PDSS1: variants seen among roughly 807,000 people sequenced by gnomAD.
The protein encoded by PDSS1 is decaprenyl diphosphate synthase subunit 1.
PDSS1 carries 43 observed loss-of-function variants against 57.5 expected under a neutral mutation model. The ratio of observed to expected loss-of-function variants is 0.75; its 90% confidence interval spans 0.59 to 0.96. The LOEUF (loss-of-function observed/expected upper bound fraction) is 0.96. PDSS1 is among the 50% of genes least tolerant of loss of function. The probability of loss-of-function intolerance (pLI) is 0.00; values close to 1 mark genes in which losing one functional copy is unlikely to be tolerated. For synonymous variants in PDSS1, 175 were observed against 191.3 expected (o/e 0.91, Z 0.70); for missense variants, 438 against 527.8 (o/e 0.83, Z 1.67).
rs910545459 is a variant in PDSS1, at chr10:26,719,599, C to G, written c.468-619C>G. ...CCTAGCCAACATGGTGAAACCCCATCTCTACTAAAAATATAAAATTTAGCT... is the reference window on the plus strand; with the variant it reads ...CCTAGCCAACATGGTGAAACCCCATGTCTACTAAAAATATAAAATTTAGCT... On this transcript the variant is annotated intron_variant, in intron 5 of 11. Transcript: ENST00000376215. Among the ~76,000 whole-genome samples the G allele has an allele frequency of 2.3e-4, 35 of 152,272 alleles. 1 individual carries two copies. The highest frequency in any genetic ancestry group is 2.0e-3 in the Admixed American group (30 of 15,280).
intron 5 of PDSS1, among the ~76,000 whole-genome samples, chr10:26,719,899 C>T (rs1437914536): frequency 6.6e-6 from 1 of 152,202 alleles, no homozygotes; most frequent in Non-Finnish European, 1.5e-5. Context: ...AACTTAAACA[C>T]CTGACCAAGA....
rs548310465 is a variant in PDSS1, at chr10:26,702,602, C to T, written c.162+408C>T. ...TTGAGGCCTCCCTAGCCGTTTGGAA[C>T]TGTGAGTCAGTTACACCTCTTTCTT... On this transcript the variant is annotated intron_variant, in intron 2 of 11. Transcript: ENST00000376215. Among the ~76,000 whole-genome samples, 6 of 152,340 alleles carry T rather than the reference C, an allele frequency of 3.9e-5. No homozygotes were observed. The South Asian group carries it at 1.2e-3, about 32-fold the overall frequency.
chr10:26,705,331 A>C lies in PDSS1; in HGVS notation c.273A>C (p.Lys91Asn). 1 of 1,613,298 alleles carries C rather than the reference A, an allele frequency of 6.2e-7. No homozygotes were observed. The highest frequency in any genetic ancestry group is 1.1e-5 in the South Asian group (1 of 91,060). ...TPDSKTHSGE[K>N]YTDPFKLGWR... is the part of the protein sequence containing the mutation. ...ACAGTAAAACACACAGTGGTGAAAAATACACCGATCCTTTCAAACTCGGTT... is the reference window on the plus strand; with the variant it reads ...ACAGTAAAACACACAGTGGTGAAAACTACACCGATCCTTTCAAACTCGGTT... Residue 91 changes from lysine to asparagine, a missense_variant, in exon 4 of 12, where the codon AAA (lysine) becomes AAC (asparagine). Physicochemically the swap from Lys to Asn is moderately conservative, Grantham distance 94 (BLOSUM62 0). Around this residue, in one of 2 missense-constraint regions of PDSS1, gnomAD observed 154 missense variants for 137.0 expected, o/e 1.12. Transcript: ENST00000376215.
chr10:26,744,679 G>A (rs965947352), intron 11 of PDSS1, among the ~76,000 whole-genome samples: 2 of 152,060 alleles, frequency 1.3e-5, no homozygotes, highest in Admixed American at 6.5e-5. Flanking sequence ...GAGCCACCGC[G>A]CTCAGTCCCC....
chr10:26,698,178 T>TAATG (rs951080668), intron 1 of PDSS1, among the ~76,000 whole-genome samples: 1 of 150,610 alleles, frequency 6.6e-6, no homozygotes, highest in Non-Finnish European at 1.5e-5. Context: ...TGGACAAGGT[T>TAATG]AAGCCTGGAG....
chr10:26,705,485 A>G, intron 4 of PDSS1, 91 bp downstream of exon 4: 1 of 501,882 alleles, frequency 2.0e-6, no homozygotes, highest in Non-Finnish European at 3.4e-6. Context: ...AATTATTATT[A>G]TTTTTTGAGC....
intron 10 of PDSS1, among the ~76,000 whole-genome samples, chr10:26,741,881 T>C (rs1191750780): frequency 6.6e-6 from 1 of 152,206 alleles, no homozygotes; most frequent in Non-Finnish European, 1.5e-5. Flanking sequence ...ATGTTGTTTT[T>C]TATTTTTTAT....
intron 1 of PDSS1, among the ~76,000 whole-genome samples, chr10:26,701,481 T>G (rs1564414578): frequency 6.6e-6 from 1 of 152,282 alleles, no homozygotes. Context: ...GTGCCCTGCT[T>G]CCCAGCCGTA....
At chr10:26,719,392 T>A (rs1182117188) in intron 5 of PDSS1, among the ~76,000 whole-genome samples, 1 of 152,250 alleles carries the variant, frequency 6.6e-6, no homozygotes, top group Non-Finnish European at 1.5e-5. Context: ...AAATTTCTAA[T>A]GAGAAGGTTA....
chr10:26,743,099 C>T (rs549430620), intron 11 of PDSS1, among the ~76,000 whole-genome samples: 2 of 152,364 alleles, frequency 1.3e-5, no homozygotes, highest in South Asian at 2.1e-4. Flanking sequence ...CACAGGCAAA[C>T]TATACATTTA....
intron 1 of PDSS1, among the ~76,000 whole-genome samples, chr10:26,700,067 A>G (rs989434233): frequency 1.3e-5 from 2 of 152,222 alleles, no homozygotes; most frequent in South Asian, 2.1e-4. Flanking sequence ...ATGGTTGTAC[A>G]TTCTTCTGAC....
At chr10:26,736,461 G>T (rs778462559) in intron 10 of PDSS1, among the ~76,000 whole-genome samples, 5 of 152,174 alleles carry the variant, frequency 3.3e-5, no homozygotes, top group Non-Finnish European at 7.3e-5. Context: ...CAGAGATTTT[G>T]CCTCTATTCT....
chr10:26,715,736 C>A (rs560704641), intron 5 of PDSS1: 1 of 152,310 alleles, frequency 6.6e-6, no homozygotes, highest in East Asian at 1.9e-4. Flanking sequence ...TTTGAAAGAA[C>A]TGAATGCTGG....
Position 26,746,322 on chromosome 10 carries a change from G to T in PDSS1, c.1108-11G>T, listed in dbSNP as rs757187875. The T allele has an allele frequency of 1.2e-6, 2 of 1,613,900 alleles. No homozygotes were observed. Among genetic ancestry groups the T allele is most frequent in the South Asian group, 2.2e-5 (2 of 91,076 alleles). On this transcript the variant is annotated splice_polypyrimidine_tract_variant and intron_variant, in intron 11 of 11. Transcript: ENST00000376215. ...ACAGGCATCTGTTCTGTTTTGTTCT[G>T]TATCTTATAGAGTGATGGTGTGCAA...
intron 8 of PDSS1, among the ~76,000 whole-genome samples, chr10:26,726,421 T>G (rs191581652): frequency 5.3e-5 from 8 of 152,326 alleles, no homozygotes; most frequent in Admixed American, 5.2e-4. Context: ...TATATTTAAG[T>G]GCCTATGGGT....
intron 11 of PDSS1, among the ~76,000 whole-genome samples, chr10:26,744,150 C>T (rs1268041412): frequency 6.6e-6 from 1 of 151,978 alleles, no homozygotes; most frequent in Non-Finnish European, 1.5e-5. Context: ...ACAAGTATTT[C>T]AGGAAGAAAA....
intron 8 of PDSS1, among the ~76,000 whole-genome samples, chr10:26,732,942 C>T (rs187327184): frequency 1.3e-5 from 2 of 152,042 alleles, no homozygotes; most frequent in African/African-American, 4.8e-5. Flanking sequence ...AACCCCGTCT[C>T]TACTAAAAAT....
At chr10:26,704,532 T>G (rs1406171931) in intron 2 of PDSS1, 145 bp from the exon 3 acceptor site, 10 of 595,290 alleles carry the variant, frequency 1.7e-5, no homozygotes, top group Non-Finnish European at 3.0e-5. Context: ...AAGGAAACTT[T>G]AAAATTATTC....
At chr10:26,744,629 C>T (rs1294865841) in intron 11 of PDSS1, among the ~76,000 whole-genome samples, 1 of 151,918 alleles carries the variant, frequency 6.6e-6, no homozygotes, top group Non-Finnish European at 1.5e-5. Flanking sequence ...CGTCGTGATC[C>T]GCCCGCCTCG....
Sources: gnomAD v4.1 joint callset for allele counts (sites outside exome capture counted in the v4.1 genomes callset) on GRCh38, gnomAD v4.1.1 for gene constraint, gnomAD v4.1.1 regional missense constraint, MANE v1.5 for transcripts, NCBI Gene and HGNC (gene_info 2026-07-23, HGNC 2026-07-21) for gene names.